Variants in RPS6KC1 observed in about 807,000 individuals in gnomAD.
The protein encoded by RPS6KC1 is inactive ribosomal protein S6 kinase delta-1.
A neutral mutation model predicts 103.8 loss-of-function variants in RPS6KC1; 54 were observed. That is an observed-to-expected ratio of 0.52 (90% CI 0.42 to 0.65). The LOEUF (loss-of-function observed/expected upper bound fraction) is 0.65. Among genes scored for constraint, RPS6KC1 ranks in the 30% least tolerant of loss-of-function variants. The pLI is 0.00. For missense variants in RPS6KC1, 1,151 were observed against 1,253.8 expected (o/e 0.92, Z 1.24); for synonymous variants, 439 against 438.7 (o/e 1.00, Z -0.01).
At chr1:213,335,388 G>A in the RPS6KC1 span, among the ~76,000 whole-genome samples, 4 of 152,214 alleles carry the variant, frequency 2.6e-5, no homozygotes, top group Admixed American at 6.5e-5. Context: ...GAACGTCCAG[G>A]TAGCTGGTCC....
intron 4 of RPS6KC1, among the ~76,000 whole-genome samples, chr1:213,115,739 T>G (rs1004608598): frequency 5.9e-5 from 9 of 152,206 alleles, no homozygotes; most frequent in African/African-American, 2.2e-4. Context: ...GTCCCAGAGA[T>G]TCTGGTATGT....
At chr1:213,175,016 A>C (rs2091771730) in intron 7 of RPS6KC1, among the ~76,000 whole-genome samples, 1 of 152,242 alleles carries the variant, frequency 6.6e-6, no homozygotes, top group Non-Finnish European at 1.5e-5. Context: ...GTACAGTTAA[A>C]TTATTATTTG....
At chr1:213,347,529 C>A in the RPS6KC1 span, among the ~76,000 whole-genome samples, 3 of 152,014 alleles carry the variant, frequency 2.0e-5, no homozygotes, top group Non-Finnish European at 2.9e-5. Context: ...CATAGTGAAC[C>A]CTGTCACTAC....
chr1:213,349,861 A>T, the RPS6KC1 span, among the ~76,000 whole-genome samples: 23 of 152,182 alleles, frequency 1.5e-4, no homozygotes, highest in Non-Finnish European at 2.6e-4. Flanking sequence ...AAAGAGTGGA[A>T]TTATTAACAT....
the RPS6KC1 span, among the ~76,000 whole-genome samples, chr1:213,304,683 C>T: frequency 6.6e-6 from 1 of 152,028 alleles, no homozygotes; most frequent in African/African-American, 2.4e-5. Context: ...GCTGGGATTA[C>T]AGCATGTGCC....
the RPS6KC1 span, among the ~76,000 whole-genome samples, chr1:213,668,678 A>C: frequency 6.6e-6 from 1 of 152,116 alleles, no homozygotes; most frequent in Non-Finnish European, 1.5e-5. Context: ...TCTCCTCTAT[A>C]GTTATGGAAG....
At chr1:213,597,546 T>C in the RPS6KC1 span, among the ~76,000 whole-genome samples, 17 of 152,272 alleles carry the variant, frequency 1.1e-4, no homozygotes, top group East Asian at 3.1e-3. Context: ...GGAATAAATC[T>C]CCATGCTTAG....
At chr1:213,363,667 T>C in the RPS6KC1 span, among the ~76,000 whole-genome samples, 10 of 100,166 alleles carry the variant, frequency 1.0e-4, 1 homozygote, top group East Asian at 6.5e-4. Context: ...TCTTTCTTTC[T>C]TTCTTTCTTT....
chr1:213,833,093 G>A, the RPS6KC1 span, among the ~76,000 whole-genome samples: 1 of 152,206 alleles, frequency 6.6e-6, no homozygotes, highest in Non-Finnish European at 1.5e-5. Flanking sequence ...GGATGCTGAA[G>A]AGAAGAGGGA....
chr1:213,138,245 C>CTG (rs2086610093), intron 6 of RPS6KC1, among the ~76,000 whole-genome samples: 1 of 151,400 alleles, frequency 6.6e-6, no homozygotes, highest in Non-Finnish European at 1.5e-5. Flanking sequence ...ACAGGCTTAC[C>CTG]TTGTTTTGTT....
chr1:213,727,799 C>CA, the RPS6KC1 span, among the ~76,000 whole-genome samples: 2 of 151,406 alleles, frequency 1.3e-5, no homozygotes, highest in African/African-American at 2.4e-5. Context: ...GTATTTAGGA[C>CA]AAAAAATGGT....
At chr1:213,635,538 T>A in the RPS6KC1 span, among the ~76,000 whole-genome samples, 1 of 152,222 alleles carries the variant, frequency 6.6e-6, no homozygotes, top group Non-Finnish European at 1.5e-5. Flanking sequence ...TCTCAATAGA[T>A]GCAGAAAAGG....
chr1:213,416,559 G>A, the RPS6KC1 span, among the ~76,000 whole-genome samples: 1 of 152,300 alleles, frequency 6.6e-6, no homozygotes, highest in Non-Finnish European at 1.5e-5. Flanking sequence ...GCCGGGGCTG[G>A]GCTGTGAGTC....
chr1:213,462,377 A>G, the RPS6KC1 span, among the ~76,000 whole-genome samples: 1 of 152,212 alleles, frequency 6.6e-6, no homozygotes, highest in African/African-American at 2.4e-5. Context: ...AGAACCAGAA[A>G]TACCGTTTGA....
the RPS6KC1 span, among the ~76,000 whole-genome samples, chr1:213,710,212 A>G: frequency 3.3e-5 from 5 of 152,198 alleles, no homozygotes; most frequent in African/African-American, 1.2e-4. Context: ...TATTGGGTGC[A>G]TATATATTTA....
chr1:213,140,989 C>T (rs112891818), intron 6 of RPS6KC1, among the ~76,000 whole-genome samples: 4,381 of 151,814 alleles, frequency 0.029, 101 homozygotes, highest in Middle Eastern at 0.092. Flanking sequence ...CTCCCCCTCC[C>T]GGGTTCAAGT....
At chr1:213,136,818 A>T (rs748166488) in intron 6 of RPS6KC1, among the ~76,000 whole-genome samples, 1 of 152,144 alleles carries the variant, frequency 6.6e-6, no homozygotes, top group East Asian at 1.9e-4. Context: ...AAAGGAAATT[A>T]TTATTCTGAT....
intron 8 of RPS6KC1, among the ~76,000 whole-genome samples, chr1:213,210,260 G>A (rs569015535): frequency 9.9e-5 from 15 of 152,230 alleles, no homozygotes; most frequent in African/African-American, 3.1e-4. Flanking sequence ...TTATACAGTA[G>A]TTTTTGATGT....
the RPS6KC1 span, among the ~76,000 whole-genome samples, chr1:213,785,426 TA>T: frequency 1.7e-4 from 26 of 150,836 alleles, no homozygotes; most frequent in Admixed American, 6.6e-4. Context: ...AAAATAAAAA[TA>T]AAAAAAAACC....
Sources: allele counts gnomAD v4.1 joint callset (sites outside exome capture counted in the v4.1 genomes callset), GRCh38; gene constraint gnomAD v4.1.1; transcripts MANE v1.5; gene names NCBI Gene and HGNC (gene_info 2026-07-23, HGNC 2026-07-21).